Variants in ADGRL3 observed in about 807,000 individuals in gnomAD.
ADGRL3 encodes the protein calcium-independent alpha-latrotoxin receptor 3.
In ADGRL3, 62 loss-of-function variants were observed where a neutral mutation model predicts 153.5. That is an observed-to-expected ratio of 0.40 (90% CI 0.33 to 0.50). The LOEUF is 0.50. Among genes scored for constraint, ADGRL3 ranks in the 20% least tolerant of loss-of-function variants. The probability of loss-of-function intolerance (pLI) is 0.47; values close to 1 mark genes in which losing one functional copy is unlikely to be tolerated. For missense variants in ADGRL3, 1,641 were observed against 1,859.4 expected (o/e 0.88, Z 2.16); for synonymous variants, 710 against 672.5 (o/e 1.06, Z -0.86).
chr4:61,688,543 T>C (rs551271763), intron 6 of ADGRL3, among the ~76,000 whole-genome samples: 7 of 152,158 alleles, frequency 4.6e-5, no homozygotes, highest in Non-Finnish European at 1.0e-4. Context: ...TGTACCATGA[T>C]GGCCACATTA....
At chr4:62,001,989 A>G (rs944459132) in intron 21 of ADGRL3, among the ~76,000 whole-genome samples, 1 of 151,926 alleles carries the variant, frequency 6.6e-6, no homozygotes, top group African/African-American at 2.4e-5. Context: ...TTTCACACAC[A>G]TATATCTCCT....
chr4:61,337,959 T>A (rs2151080323), intron 1 of ADGRL3, among the ~76,000 whole-genome samples: 1 of 152,226 alleles, frequency 6.6e-6, no homozygotes, highest in African/African-American at 2.4e-5. Flanking sequence ...TTCAGAGTAG[T>A]ACTTAGAAGA....
intron 1 of ADGRL3, among the ~76,000 whole-genome samples, chr4:61,251,867 C>CTTTTTTTTT (rs374884124): frequency 3.0e-5 from 4 of 135,312 alleles, no homozygotes; most frequent in East Asian, 2.2e-4. Flanking sequence ...TCCTAAGATT[C>CTTTTTTTTT]TTTTTTTTTT....
chr4:62,029,683 T>C (rs1272864614), intron 22 of ADGRL3, among the ~76,000 whole-genome samples: 1 of 148,076 alleles, frequency 6.8e-6, no homozygotes, highest in Non-Finnish European at 1.5e-5. Context: ...TTCTTCATGC[T>C]TCTGCTTTCC....
intron 1 of ADGRL3, among the ~76,000 whole-genome samples, chr4:61,249,137 G>T: frequency 6.6e-6 from 1 of 152,244 alleles, no homozygotes; most frequent in African/African-American, 2.4e-5. Flanking sequence ...TGAAGTACGG[G>T]TTTTTTTGCA....
intron 6 of ADGRL3, among the ~76,000 whole-genome samples, chr4:61,719,577 C>G (rs113962994): frequency 2.0e-5 from 3 of 151,176 alleles, no homozygotes; most frequent in African/African-American, 7.3e-5. Context: ...TTCTTCTAAC[C>G]CTGCATTTCT....
chr4:61,270,574 C>A (rs74329144), intron 1 of ADGRL3, among the ~76,000 whole-genome samples: 1 of 151,598 alleles, frequency 6.6e-6, no homozygotes, highest in Non-Finnish European at 1.5e-5. Context: ...TTAGACTTTG[C>A]GTATAACATA....
chr4:61,265,976 G>C (rs2092821955), intron 1 of ADGRL3, among the ~76,000 whole-genome samples: 1 of 151,766 alleles, frequency 6.6e-6, no homozygotes, highest in Non-Finnish European at 1.5e-5. Flanking sequence ...TGCAATTCTG[G>C]AATACTAACT....
intron 1 of ADGRL3, among the ~76,000 whole-genome samples, chr4:61,348,908 TAC>T (rs977485999): frequency 2.0e-5 from 3 of 151,998 alleles, no homozygotes; most frequent in African/African-American, 4.8e-5. Flanking sequence ...AAAGAAATAA[TAC>T]AGTGTAAGTA....
At chr4:61,642,339 G>A (rs975959294) in intron 5 of ADGRL3, among the ~76,000 whole-genome samples, 6 of 152,164 alleles carry the variant, frequency 3.9e-5, no homozygotes, top group Admixed American at 2.6e-4. Context: ...TGCTTTTGGT[G>A]TTTTAGACAT....
chr4:61,661,805 A>G (rs1026928304), intron 5 of ADGRL3, among the ~76,000 whole-genome samples: 6 of 152,220 alleles, frequency 3.9e-5, no homozygotes, highest in African/African-American at 1.4e-4. Flanking sequence ...ACAAAAAATG[A>G]GCAATCTTAT....
intron 2 of ADGRL3, among the ~76,000 whole-genome samples, chr4:61,394,625 T>C (rs557065428): frequency 6.6e-6 from 1 of 152,134 alleles, no homozygotes; most frequent in Non-Finnish European, 1.5e-5. Flanking sequence ...ACAATACATG[T>C]AGTTGTTTTC....
intron 18 of ADGRL3, among the ~76,000 whole-genome samples, chr4:61,980,542 C>T (rs181591454): frequency 1.4e-4 from 22 of 151,978 alleles, no homozygotes; most frequent in Admixed American, 9.2e-4. Context: ...CAAGCTCAAG[C>T]GATCCTCCCA....
intron 8 of ADGRL3, among the ~76,000 whole-genome samples, chr4:61,759,364 T>C (rs2096880308): frequency 6.6e-6 from 1 of 152,134 alleles, no homozygotes; most frequent in African/African-American, 2.4e-5. Flanking sequence ...GGAGGCTTTG[T>C]TCATTTCTTT....
intron 2 of ADGRL3, among the ~76,000 whole-genome samples, chr4:61,428,490 A>G (rs2097309188): frequency 6.6e-6 from 1 of 152,222 alleles, no homozygotes; most frequent in Non-Finnish European, 1.5e-5. Flanking sequence ...TTCAAAGGCT[A>G]CCAAAATTAG....
intron 21 of ADGRL3, among the ~76,000 whole-genome samples, chr4:62,001,257 C>T (rs1397531885): frequency 6.6e-6 from 1 of 152,070 alleles, no homozygotes; most frequent in Non-Finnish European, 1.5e-5. Flanking sequence ...CATTGGATTT[C>T]AGGAAGGACA....
intron 1 of ADGRL3, among the ~76,000 whole-genome samples, chr4:61,364,598 C>T (rs951552645): frequency 3.9e-5 from 6 of 151,938 alleles, no homozygotes; most frequent in Non-Finnish European, 7.4e-5. Context: ...CACGAAATAG[C>T]ACACTGTCTA....
chr4:61,579,999 TGGC>T (rs899944468), intron 4 of ADGRL3, among the ~76,000 whole-genome samples: 2 of 152,086 alleles, frequency 1.3e-5, no homozygotes, highest in Non-Finnish European at 2.9e-5. Context: ...ATAAATGTGT[TGGC>T]ATGTAAAATG....
chr4:61,789,634 G>A (rs1284848986), intron 8 of ADGRL3, among the ~76,000 whole-genome samples: 4 of 152,074 alleles, frequency 2.6e-5, no homozygotes, highest in Non-Finnish European at 5.9e-5. Context: ...TGAAATTTAA[G>A]TATTTAATTG....
Sources: gnomAD v4.1 joint callset for allele counts (sites outside exome capture counted in the v4.1 genomes callset) on GRCh38, gnomAD v4.1.1 for gene constraint, MANE v1.5 for transcripts, NCBI Gene and HGNC (gene_info 2026-07-23, HGNC 2026-07-21) for gene names.